The following TNRC18 variants were observed in gnomAD, a reference collection of about 807,000 sequenced individuals.
TNRC18 encodes the protein trinucleotide repeat-containing gene 18 protein.
TNRC18 carries 69 observed loss-of-function variants against 226.7 expected under a neutral mutation model. The ratio of observed to expected loss-of-function variants is 0.30; its 90% CI spans 0.25 to 0.37. The LOEUF (loss-of-function observed/expected upper bound fraction) is 0.37, where lower values mean the gene tolerates loss of function less well. Among genes scored for constraint, TNRC18 ranks in the 10% least tolerant of loss-of-function variants. The pLI is 1.00. For missense variants in TNRC18, 4,754 were observed against 4,256.6 expected, an observed-to-expected ratio of 1.12 and a Z score of -3.25; for synonymous variants, 2,449 against 1,927.6, an observed-to-expected ratio of 1.27 and a Z score of -7.09.
chr7:5,331,281 A>G (rs1370144736), intron 19 of TNRC18, among the ~76,000 whole-genome samples: 1 of 152,166 alleles, frequency 6.6e-6, no homozygotes, highest in African/African-American at 2.4e-5. Flanking sequence ...GCATCCAAAT[A>G]GGAGGAGGAA....
chr7:5,408,161 T>A (rs1169912718), intron 2 of TNRC18, among the ~76,000 whole-genome samples: 1 of 151,694 alleles, frequency 6.6e-6, no homozygotes, highest in African/African-American at 2.4e-5. Context: ...TAGCTGGGCG[T>A]GGTGGCGCGC....
intron 29 of TNRC18, among the ~76,000 whole-genome samples, chr7:5,308,543 C>T (rs1198740830): frequency 1.3e-5 from 2 of 152,016 alleles, no homozygotes; most frequent in South Asian, 2.1e-4. Context: ...TCCAAAGACG[C>T]AGAGAGACAG....
chr7:5,409,563 C>T (rs543389475), intron 2 of TNRC18, among the ~76,000 whole-genome samples: 110 of 151,432 alleles, frequency 7.3e-4, no homozygotes, highest in Non-Finnish European at 1.2e-3. Flanking sequence ...AACTCCAGCC[C>T]CAGTAACACA....
At chr7:5,321,878 G>C (rs1182558087) in intron 21 of TNRC18, among the ~76,000 whole-genome samples, 2 of 151,742 alleles carry the variant, frequency 1.3e-5, no homozygotes, top group Non-Finnish European at 2.9e-5. Context: ...CACCATGTTG[G>C]CCAGGCTGAT....
chr7:5,354,730 G>A (rs1562535491), intron 16 of TNRC18, among the ~76,000 whole-genome samples: 1 of 152,060 alleles, frequency 6.6e-6, no homozygotes, highest in Non-Finnish European at 1.5e-5. Flanking sequence ...GCTAGCCTAG[G>A]ACAGACGAAA....
At chr7:5,420,512 G>C (rs1030828536) in intron 2 of TNRC18, 1 of 447,940 alleles carries the variant, frequency 2.2e-6, no homozygotes, top group Non-Finnish European at 4.5e-6. Flanking sequence ...CCCGAGGCCA[G>C]GGTCCCAAGG....
chr7:5,322,291 T>TCATCATCAA (rs1272896630), intron 21 of TNRC18, among the ~76,000 whole-genome samples: 1 of 151,152 alleles, frequency 6.6e-6, no homozygotes, highest in East Asian at 2.0e-4. Context: ...ATAATCATCA[T>TCATCATCAA]CATCATCATC....
chr7:5,322,087 A>G (rs561112293), intron 21 of TNRC18, among the ~76,000 whole-genome samples: 18 of 151,796 alleles, frequency 1.2e-4, no homozygotes, highest in South Asian at 8.3e-4. Context: ...AGACCATCCT[A>G]GCTAACATGG....
chr7:5,351,628 A>T (rs951941510), intron 17 of TNRC18, among the ~76,000 whole-genome samples, 191 bp downstream of exon 17: 6 of 152,158 alleles, frequency 3.9e-5, no homozygotes, highest in African/African-American at 1.4e-4. Context: ...TCAAAGCAAA[A>T]ATCAAAATCA....
chr7:5,318,968 C>G (rs954648327), intron 24 of TNRC18, among the ~76,000 whole-genome samples: 2 of 152,052 alleles, frequency 1.3e-5, no homozygotes, highest in Non-Finnish European at 2.9e-5. Context: ...AGGAACTGAA[C>G]CAAAAAAGAG....
intron 2 of TNRC18, among the ~76,000 whole-genome samples, chr7:5,405,125 AAAAG>A (rs1038016182): frequency 6.6e-6 from 1 of 151,818 alleles, no homozygotes; most frequent in African/African-American, 2.4e-5. Flanking sequence ...TCAAAAAAAA[AAAAG>A]AAGTATACAG....
At chr7:5,396,433 G>A (rs1441997345) in intron 2 of TNRC18, among the ~76,000 whole-genome samples, 2 of 152,144 alleles carry the variant, frequency 1.3e-5, no homozygotes, top group Non-Finnish European at 2.9e-5. Context: ...GAGGCGAGAG[G>A]ATGGGTTGAG....
intron 2 of TNRC18, among the ~76,000 whole-genome samples, chr7:5,401,776 C>A (rs7810435): frequency 0.7 from 106,061 of 152,080 alleles, 38,057 homozygotes; most frequent in East Asian, 0.97. Context: ...TGCTGCACAT[C>A]GGAGGTACTC....
At chr7:5,395,583 GCCC>G (rs1780619598) in intron 2 of TNRC18, among the ~76,000 whole-genome samples, 1 of 152,248 alleles carries the variant, frequency 6.6e-6, no homozygotes, top group East Asian at 1.9e-4. Context: ...AAGCATGCAG[GCCC>G]TGGCGCACGG....
intron 19 of TNRC18, among the ~76,000 whole-genome samples, chr7:5,330,943 G>A (rs1789465240): frequency 6.6e-6 from 1 of 152,144 alleles, no homozygotes; most frequent in Non-Finnish European, 1.5e-5. Context: ...CCAAAGTGCT[G>A]GGATTACAGG....
In TNRC18 at chr7:5,313,007, G is replaced by GGAA. The variant is rs1457353669; in HGVS notation, c.7883_7884insTTC (p.Ser2671dup). 1.7e-4 allele frequency: 76 copies of GGAA among 451,244 alleles called. No individual in the cohort carries two copies. The highest frequency in any genetic ancestry group is 3.9e-4 in the African/African-American group (18 of 46,068). 28.0% of individuals were successfully genotyped at this position (451,244 alleles called of 1,614,324 possible). On this transcript the variant is annotated inframe_insertion, in exon 27 of 30. Transcript: ENST00000430969. Reference sequence around the variant, plus strand: ...AGGAGGAGGAGGAAGAGGAGGATGAGGAGGAGGAGGAGGAGGAGGAGGAGG... The same window carrying GGAA: ...AGGAGGAGGAGGAAGAGGAGGATGAGGAAGAGGAGGAGGAGGAGGAGGAGGAGG...
chr7:5,395,014 A>C (rs1780572524), intron 2 of TNRC18, among the ~76,000 whole-genome samples: 1 of 152,120 alleles, frequency 6.6e-6, no homozygotes. Context: ...GGGGACTTAC[A>C]GGCGGGGGGC....
In TNRC18 at chr7:5,389,003, G is replaced by A. The variant is rs1347100474; in HGVS notation, c.821C>T (p.Ala274Val). 10 of 1,355,368 alleles carry A rather than the reference G, an allele frequency of 7.4e-6. No individual in the cohort carries two copies. Among genetic ancestry groups the A allele is most frequent in the African/African-American group, 1.6e-5 (1 of 63,252 alleles). 84.0% of individuals were successfully genotyped at this position (1,355,368 alleles called of 1,614,324 possible). The change falls in exon 5 of 30, where the codon GCG becomes GTG. Residue 274 changes from alanine to valine, a missense_variant. Coordinates refer to ENST00000430969, the MANE Select transcript of TNRC18 (RefSeq NM_001080495.3). The stretch of plus-strand genomic sequence containing the variant: ...GGTCAGTACCGACGGCTGCAGCGCC[G>A]CATTCTTGGTCTTGGACTCAGCCAG... ...PFLAESKTKN[A>V]ALQPSVLTMC...
At chr7:5,318,503 A>G (rs1788062621) in intron 24 of TNRC18, among the ~76,000 whole-genome samples, 1 of 152,170 alleles carries the variant, frequency 6.6e-6, no homozygotes, top group Non-Finnish European at 1.5e-5. Context: ...GAAATTCACA[A>G]GAGAAGTTAT....
Sources: gnomAD v4.1 joint callset for allele counts (sites outside exome capture counted in the v4.1 genomes callset) on GRCh38, gnomAD v4.1.1 for gene constraint, MANE v1.5 for transcripts, NCBI Gene and HGNC (gene_info 2026-07-23, HGNC 2026-07-21) for gene names.